The following HIVEP3 variants were observed in gnomAD, a reference collection of about 807,000 sequenced individuals.
The protein encoded by HIVEP3 is transcription factor HIVEP3.
A neutral mutation model predicts 152.8 loss-of-function variants in HIVEP3; 49 were observed. The ratio of observed to expected loss-of-function variants is 0.32; its 90% confidence interval spans 0.26 to 0.41. The LOEUF is 0.41. HIVEP3 is among the 10% of genes least tolerant of loss of function. The pLI is 1.00. For synonymous variants in HIVEP3, 1,269 were observed against 1,289.0 expected (o/e 0.98, Z 0.33); for missense variants, 2,790 against 3,103.3 (o/e 0.90, Z 2.40).
Position 41,750,302 on chromosome 1 carries a change from G to A in HIVEP3, c.-800-49307C>T, listed in dbSNP as rs183537746. 7.4e-4 allele frequency among the ~76,000 whole-genome samples: 112 copies of A among 152,350 alleles called. 2 individuals carry two copies. The highest frequency in any genetic ancestry group is 5.4e-3 in the Admixed American group (82 of 15,310). Reference sequence around the variant, plus strand: ...TCTTCTGTCACAACTTCTAACATGAGTCCACAAACATGGAATTCATCAACA... The same window carrying A: ...TCTTCTGTCACAACTTCTAACATGAATCCACAAACATGGAATTCATCAACA... On this transcript the variant is annotated intron_variant, in intron 1 of 8. Coordinates refer to ENST00000372583, the MANE Select transcript of HIVEP3 (RefSeq NM_024503.5).
At chr1:41,797,098 G>A (rs759904279) in intron 1 of HIVEP3, among the ~76,000 whole-genome samples, 2 of 152,138 alleles carry the variant, frequency 1.3e-5, no homozygotes, top group Non-Finnish European at 2.9e-5. Flanking sequence ...GGCATCCTCC[G>A]TGAAGGGCCT....
intron 2 of HIVEP3, among the ~76,000 whole-genome samples, chr1:41,632,470 G>A (rs139090860): frequency 2.0e-5 from 3 of 152,296 alleles, no homozygotes; most frequent in Admixed American, 6.5e-5. Flanking sequence ...TCTTGACCTC[G>A]TGATCCACCT....
At chr1:41,919,354 A>T (rs138746777), upstream of HIVEP3, among the ~76,000 whole-genome samples, 283 of 152,246 alleles carry the variant, frequency 1.9e-3, no homozygotes, top group Middle Eastern at 6.8e-3. Flanking sequence ...GGGAGCCTCA[A>T]CAGTGCCTGA....
In HIVEP3 at chr1:41,509,268, A is replaced by G. The variant is rs965219302; in HGVS notation, c.*1183T>C. ...CAGCAAACAGGTCCAGGCCGTATCC[A>G]CCAGCCACAGTTGTGGGTATTTCCT... On this transcript the variant is annotated 3_prime_UTR_variant, in exon 9 of 9. Coordinates refer to ENST00000372583, the MANE Select transcript of HIVEP3 (RefSeq NM_024503.5). The G allele has an allele frequency of 1.3e-5, 2 of 152,184 alleles. No individual in the cohort carries two copies. The highest frequency in any genetic ancestry group is 2.9e-5 in the Non-Finnish European group (2 of 68,040). 9.4% of individuals were successfully genotyped at this position (152,184 alleles called of 1,614,324 possible).
chr1:41,511,154 T>C lies in HIVEP3; in HGVS notation c.6518A>G (p.Glu2173Gly), dbSNP rs1325722719. The change falls in exon 9 of 9, where the codon GAG (glutamate) becomes GGG (glycine). Residue 2173 changes from glutamate (E) to glycine (G), a missense_variant. By Grantham distance (98) the Glu-to-Gly change is moderately conservative. Transcript: ENST00000372583. This position sits in a 1 kb window ranked among gnomAD's most constrained non-coding sequence, Gnocchi z 4.9. ...AGGCAGGTGGCTGAAGATGTTCTCC[T>C]CTGTCCGGGCCAGGATGTGGCCGTG... ...DFHGHILART[E>G]ENIFSHLPLH... is the part of the protein sequence containing the mutation. 6.2e-7 allele frequency: 1 copy of C among 1,614,074 alleles called. No homozygotes were observed. Among genetic ancestry groups the C allele is most frequent in the Admixed American group, 1.7e-5 (1 of 60,018 alleles).
chr1:41,987,768 A>G (rs1303919825), intron 1 of HIVEP3, among the ~76,000 whole-genome samples: 1 of 152,238 alleles, frequency 6.6e-6, no homozygotes, highest in African/African-American at 2.4e-5. Context: ...TTTATAAAAG[A>G]AAGAGGCTTA....
Position 41,510,534 on chromosome 1 carries a change from G to T in HIVEP3, c.7138C>A (p.Gln2380Lys). The T allele has an allele frequency of 6.3e-7, 1 of 1,586,804 alleles. No homozygotes were observed. The highest frequency in any genetic ancestry group is 8.6e-7 in the Non-Finnish European group (1 of 1,166,706). The change falls in exon 9 of 9, where the codon CAG (glutamine) becomes AAG (lysine). Residue 2380 changes from glutamine (Q) to lysine (K), a missense_variant. Transcript: ENST00000372583. ...RNLSGEPRTR[Q>K]DSPKPSGSGE... Reference sequence around the variant, plus strand: ...CTTCCTGAGGGCTTGGGGGAGTCCTGCCTGGTCCTGGGTTCCCCGGAGAGG... The same window carrying T: ...CTTCCTGAGGGCTTGGGGGAGTCCTTCCTGGTCCTGGGTTCCCCGGAGAGG...
intron 1 of HIVEP3, among the ~76,000 whole-genome samples, chr1:41,938,634 T>G (rs1376490105): frequency 6.6e-6 from 1 of 152,120 alleles, no homozygotes; most frequent in African/African-American, 2.4e-5. Flanking sequence ...GCCTGGACCT[T>G]CCTCCAGGCA....
rs1258346366 is a variant in HIVEP3 at position 41,893,105 on chromosome 1, AAAGC to A, written c.-801+25304_-801+25307del. Among the ~76,000 whole-genome samples the A allele has an allele frequency of 2.0e-5, 3 of 149,670 alleles. No individual in the cohort carries two copies. The East Asian group carries it at 5.8e-4, about 29-fold the overall frequency. On this transcript the variant is annotated intron_variant, in intron 1 of 8. Coordinates refer to ENST00000372583, the MANE Select transcript of HIVEP3 (RefSeq NM_024503.5). ...GCAACTGCACTCTAGCGTGGGTGAC[AAAGC>A]AAGATCTCGTCTCAAAAAAAAAAAA...
chr1:41,729,139 T>A (rs983943500), intron 1 of HIVEP3, among the ~76,000 whole-genome samples: 2 of 152,176 alleles, frequency 1.3e-5, no homozygotes, highest in African/African-American at 4.8e-5. Flanking sequence ...AGGGGTTCCA[T>A]TCAGGGAGTC....
chr1:41,828,238 C>A (rs1454421948), intron 1 of HIVEP3, among the ~76,000 whole-genome samples: 5 of 152,192 alleles, frequency 3.3e-5, no homozygotes, highest in Admixed American at 1.3e-4. Context: ...AGTGTCCCTG[C>A]TGGACAGCAG....
At chr1:41,545,799 A>G (rs1643789650) in intron 5 of HIVEP3, among the ~76,000 whole-genome samples, 1 of 151,058 alleles carries the variant, frequency 6.6e-6, no homozygotes, top group South Asian at 2.1e-4. Context: ...CACCATCACC[A>G]CCATCACCAC....
chr1:41,801,946 G>A (rs1288028025), intron 1 of HIVEP3, among the ~76,000 whole-genome samples: 1 of 152,142 alleles, frequency 6.6e-6, no homozygotes, highest in Non-Finnish European at 1.5e-5. Context: ...GGGGGCAGGG[G>A]AGAGGCATAC....
intron 2 of HIVEP3, among the ~76,000 whole-genome samples, chr1:41,630,296 G>A (rs758167053): frequency 6.6e-6 from 1 of 152,044 alleles, no homozygotes; most frequent in Non-Finnish European, 1.5e-5. Flanking sequence ...GAGAGGGAGG[G>A]ACAAGGGCTG....
intron 1 of HIVEP3, among the ~76,000 whole-genome samples, chr1:41,901,175 G>C (rs956754786): frequency 5.9e-5 from 9 of 152,080 alleles, no homozygotes; most frequent in African/African-American, 2.2e-4. Flanking sequence ...AGCAGCTTGG[G>C]GGACAGTGGT....
intron 2 of HIVEP3, among the ~76,000 whole-genome samples, chr1:41,700,484 A>T (rs1387925502): frequency 6.6e-6 from 1 of 152,186 alleles, no homozygotes; most frequent in Non-Finnish European, 1.5e-5. Context: ...ACTGAGTTCT[A>T]AGGATGTGGT....
At chr1:41,595,440 C>T (rs1644650962) in intron 3 of HIVEP3, among the ~76,000 whole-genome samples, 1 of 152,188 alleles carries the variant, frequency 6.6e-6, no homozygotes. Flanking sequence ...TGCCTTTACA[C>T]ATTGTTGTTC....
At chr1:41,721,557 G>A (rs1348457437) in intron 1 of HIVEP3, among the ~76,000 whole-genome samples, 1 of 152,170 alleles carries the variant, frequency 6.6e-6, no homozygotes, top group Non-Finnish European at 1.5e-5. Context: ...GACGTAGGTA[G>A]GTGCATAGGT....
intron 1 of HIVEP3, among the ~76,000 whole-genome samples, chr1:41,895,485 C>G (rs1644513015): frequency 6.6e-6 from 1 of 152,220 alleles, no homozygotes; most frequent in Non-Finnish European, 1.5e-5. Flanking sequence ...AACCAAAAAG[C>G]AGGACCAGAC....
Sources: gnomAD v4.1 joint callset for allele counts (sites outside exome capture counted in the v4.1 genomes callset) on GRCh38, gnomAD v4.1.1 for gene constraint, Gnocchi (gnomAD v3.1) non-coding constraint, MANE v1.5 for transcripts, NCBI Gene and HGNC (gene_info 2026-07-23, HGNC 2026-07-21) for gene names.